SNX7: variants seen among roughly 807,000 people sequenced by gnomAD.
SNX7 encodes sorting nexin 7.
In SNX7, 35 loss-of-function variants were observed where a neutral mutation model predicts 48.4. That is an observed-to-expected ratio of 0.72 (90% CI 0.55 to 0.96). SNX7 has a LOEUF of 0.96. SNX7 is among the 40% of genes least tolerant of loss of function. The pLI is 0.00. For missense variants in SNX7, 553 were observed against 548.9 expected (o/e 1.01, Z -0.07); for synonymous variants, 190 against 190.2 (o/e 1.00, Z 0.01).
At chr1:98,739,393 A>G (rs1369044003) in intron 8 of SNX7, among the ~76,000 whole-genome samples, 1 of 152,204 alleles carries the variant, frequency 6.6e-6, no homozygotes, top group Non-Finnish European at 1.5e-5. Context: ...CTTTAAACTG[A>G]AATATTATAT....
intron 1 of SNX7, among the ~76,000 whole-genome samples, chr1:98,664,598 C>T (rs1452865049): frequency 6.6e-6 from 1 of 152,056 alleles, no homozygotes; most frequent in Non-Finnish European, 1.5e-5. Flanking sequence ...GGCAAATATA[C>T]ATTTTGTGTT....
chr1:98,667,611 A>G (rs534553698), intron 1 of SNX7, among the ~76,000 whole-genome samples: 2 of 151,248 alleles, frequency 1.3e-5, no homozygotes, highest in African/African-American at 4.9e-5. Context: ...CGAATTCCTG[A>G]CCTCAGGTGA....
intron 7 of SNX7, among the ~76,000 whole-genome samples, chr1:98,728,810 C>T (rs1653332746): frequency 6.6e-6 from 1 of 152,200 alleles, no homozygotes; most frequent in African/African-American, 2.4e-5. Flanking sequence ...TCTTAGAGAC[C>T]TACAAAAAGG....
intron 8 of SNX7, among the ~76,000 whole-genome samples, chr1:98,739,747 G>GGA (rs764791656): frequency 1.3e-5 from 2 of 152,200 alleles, no homozygotes; most frequent in Non-Finnish European, 2.9e-5. Context: ...AGTGTAGAAG[G>GGA]GAGAGAGAAC....
intron 8 of SNX7, among the ~76,000 whole-genome samples, chr1:98,754,566 G>C (rs575069755): frequency 5.0e-4 from 76 of 151,796 alleles, no homozygotes; most frequent in Non-Finnish European, 9.6e-4. Flanking sequence ...GTCTTTCAAG[G>C]AATTGGTCCA....
chr1:98,674,750 C>T (rs994000612), intron 1 of SNX7, among the ~76,000 whole-genome samples: 2 of 152,096 alleles, frequency 1.3e-5, no homozygotes, highest in African/African-American at 4.8e-5. Context: ...CCAATCTAAT[C>T]CATTTATTTC....
At chr1:98,672,629 G>C (rs1002608229) in intron 1 of SNX7, among the ~76,000 whole-genome samples, 3 of 151,874 alleles carry the variant, frequency 2.0e-5, no homozygotes, top group Non-Finnish European at 2.9e-5. Context: ...TACTAAGTAA[G>C]AAATTATTCA....
At chr1:98,741,012 T>C (rs1654043025) in intron 8 of SNX7, among the ~76,000 whole-genome samples, 1 of 152,156 alleles carries the variant, frequency 6.6e-6, no homozygotes, top group East Asian at 1.9e-4. Flanking sequence ...GATCAGGGAT[T>C]CTTAGCAGAA....
chr1:98,745,779 G>A (rs1000485025), intron 8 of SNX7, among the ~76,000 whole-genome samples: 1 of 152,014 alleles, frequency 6.6e-6, no homozygotes, highest in Admixed American at 6.6e-5. Flanking sequence ...AGAAATTCAG[G>A]TTACATCATT....
chr1:98,681,036 G>A (rs918993223), intron 1 of SNX7, among the ~76,000 whole-genome samples: 4 of 152,194 alleles, frequency 2.6e-5, no homozygotes, highest in Non-Finnish European at 4.4e-5. Flanking sequence ...TGAGACTGGG[G>A]CATTTGTATA....
chr1:98,683,299 G>T (rs1293593476), intron 1 of SNX7, among the ~76,000 whole-genome samples: 1 of 152,114 alleles, frequency 6.6e-6, no homozygotes, highest in Non-Finnish European at 1.5e-5. Context: ...TAGGGGCTTT[G>T]ATGTAGGGTG....
At chr1:98,678,377 C>G (rs1164039449) in intron 1 of SNX7, among the ~76,000 whole-genome samples, 1 of 152,110 alleles carries the variant, frequency 6.6e-6, no homozygotes. Context: ...GCCTCACTGC[C>G]AACATTGGGG....
chr1:98,693,172 A>ATGGATG (rs1651240675), intron 4 of SNX7, among the ~76,000 whole-genome samples: 6 of 151,152 alleles, frequency 4.0e-5, no homozygotes, highest in African/African-American at 1.5e-4. Flanking sequence ...GGATGAATGG[A>ATGGATG]GATGGATGGA....
chr1:98,685,936 A>G (rs1293829131), intron 2 of SNX7, among the ~76,000 whole-genome samples: 2 of 152,124 alleles, frequency 1.3e-5, no homozygotes, highest in African/African-American at 4.8e-5. Context: ...TATGACATAT[A>G]AAGAGGCTTC....
chr1:98,754,552 T>C (rs1236971128), intron 8 of SNX7, among the ~76,000 whole-genome samples: 1 of 152,036 alleles, frequency 6.6e-6, no homozygotes, highest in Non-Finnish European at 1.5e-5. Context: ...TTTTGGTAGT[T>C]TATGTCTTTC....
intron 7 of SNX7, among the ~76,000 whole-genome samples, chr1:98,718,493 A>G (rs1477114071): frequency 1.3e-5 from 2 of 152,098 alleles, no homozygotes; most frequent in African/African-American, 4.8e-5. Flanking sequence ...AGGTACTTCA[A>G]CATTTCATTC....
At chr1:98,691,831 A>C (rs1381941563) in intron 4 of SNX7, 132 bp downstream of exon 4, 1 of 654,612 alleles carries the variant, frequency 1.5e-6, no homozygotes, top group African/African-American at 1.9e-5. Context: ...TTTCAGAAAC[A>C]CTGGAGAGTT....
chr1:98,684,907 A>ACT lies in SNX7; in HGVS notation c.205_206dup (p.Phe70ProfsTer5). ...TAGGATGCCTCATTGATGGACATGA[A>ACT]CTCCTTCAGCCCTATGATGCCAACA... is the stretch of plus-strand genomic sequence containing the variant. On this transcript the variant is annotated frameshift_variant, in exon 2 of 9. Coordinates refer to ENST00000306121, the MANE Select transcript of SNX7 (RefSeq NM_015976.5). LOFTEE classifies it high-confidence loss of function. 6.6e-7 allele frequency: 1 copy of ACT among 1,523,740 alleles called. No individual in the cohort carries two copies. The highest frequency in any genetic ancestry group is 8.8e-7 in the Non-Finnish European group (1 of 1,131,778). The allele number at this position is 1,523,740 out of a possible 1,614,324, so 94.4% of individuals were successfully genotyped here. A position where few individuals can be genotyped will look rare whatever the true frequency, so the allele number is the denominator to read the frequency against.
chr1:98,717,543 G>GAAAATACTTACCAACATGCTTCAAAT (rs1316324005), intron 7 of SNX7, among the ~76,000 whole-genome samples: 3 of 152,066 alleles, frequency 2.0e-5, no homozygotes, highest in Admixed American at 6.6e-5. Context: ...ACAATCCTCA[G>GAAAATACTTACCAACATGCTTCAAAT]AAAATACTTA....
Sources: gnomAD v4.1 joint callset for allele counts (sites outside exome capture counted in the v4.1 genomes callset) on GRCh38, gnomAD v4.1.1 for gene constraint, MANE v1.5 for transcripts, NCBI Gene and HGNC (gene_info 2026-07-23, HGNC 2026-07-21) for gene names.